The following HUNK variants were observed in gnomAD, a reference collection of about 807,000 sequenced individuals.
HUNK encodes the protein hormonally up-regulated neu tumor-associated kinase.
HUNK carries 21 observed loss-of-function variants against 61.0 expected under a neutral mutation model. That is an observed-to-expected ratio of 0.34 (90% CI 0.24 to 0.50). HUNK has a LOEUF of 0.50. Ranked by LOEUF, HUNK falls within the 20% of genes least tolerant of loss-of-function variation. HUNK has a pLI of 0.98. For missense variants in HUNK, 772 were observed against 945.7 expected (o/e 0.82, Z 2.41); for synonymous variants, 371 against 386.1 (o/e 0.96, Z 0.46).
chr21:31,914,419 A>AAC (rs2052567998), intron 1 of HUNK, among the ~76,000 whole-genome samples: 1 of 147,154 alleles, frequency 6.8e-6, no homozygotes, highest in Non-Finnish European at 1.5e-5. Flanking sequence ...AAAAAAAAAA[A>AAC]AAAAAAAAAA....
intron 4 of HUNK, among the ~76,000 whole-genome samples, chr21:31,947,085 C>T (rs1351035425): frequency 6.7e-6 from 1 of 150,260 alleles, no homozygotes; most frequent in Non-Finnish European, 1.5e-5. Context: ...CTGCGCATTC[C>T]CATATCCCAG....
intron 8 of HUNK, 73 bp from the exon 9 acceptor site, chr21:31,990,056 C>A: frequency 1.5e-6 from 2 of 1,324,154 alleles, no homozygotes; most frequent in South Asian, 2.4e-5. Flanking sequence ...GCTGCAGGGC[C>A]GTAGGGGAAG....
intron 1 of HUNK, among the ~76,000 whole-genome samples, chr21:31,908,083 A>C (rs2052519656): frequency 6.6e-6 from 1 of 152,166 alleles, no homozygotes; most frequent in South Asian, 2.1e-4. Flanking sequence ...AAACTTAAGG[A>C]GTATGTGTCT....
chr21:31,929,297 C>T (rs1045522288), intron 2 of HUNK, among the ~76,000 whole-genome samples: 5 of 151,380 alleles, frequency 3.3e-5, no homozygotes, highest in Non-Finnish European at 5.9e-5. Flanking sequence ...AGCAGATTCA[C>T]TTTGCTGGCA....
chr21:31,980,493 C>T (rs1409923125), intron 7 of HUNK, among the ~76,000 whole-genome samples: 1 of 150,152 alleles, frequency 6.7e-6, no homozygotes, highest in Admixed American at 6.6e-5. Flanking sequence ...TCTCCTGCCT[C>T]AGCCTCCTGA....
At chr21:31,984,240 T>C (rs2053117847) in intron 8 of HUNK, among the ~76,000 whole-genome samples, 1 of 152,158 alleles carries the variant, frequency 6.6e-6, no homozygotes, top group Non-Finnish European at 1.5e-5. Context: ...ATTTTGAATG[T>C]TCCCAATAAA....
At chr21:31,876,987 A>G (rs570382274) in intron 1 of HUNK, among the ~76,000 whole-genome samples, 13 of 152,166 alleles carry the variant, frequency 8.5e-5, no homozygotes, top group African/African-American at 2.9e-4. Flanking sequence ...TAGGAGGGGA[A>G]TGAAGTCATT....
intron 6 of HUNK, among the ~76,000 whole-genome samples, chr21:31,970,986 G>A (rs950220719): frequency 2.6e-5 from 4 of 152,164 alleles, no homozygotes; most frequent in African/African-American, 9.7e-5. Flanking sequence ...TCTTCTGTGT[G>A]TATAAGGCCC....
chr21:31,912,656 G>A (rs997964473), intron 1 of HUNK, among the ~76,000 whole-genome samples: 8 of 152,022 alleles, frequency 5.3e-5, no homozygotes, highest in Non-Finnish European at 8.8e-5. Flanking sequence ...CTTTTCCCAC[G>A]TCAGCCTCTC....
At chr21:31,916,254 G>C (rs2123810396) in intron 1 of HUNK, among the ~76,000 whole-genome samples, 1 of 151,856 alleles carries the variant, frequency 6.6e-6, no homozygotes, top group Middle Eastern at 3.4e-3. Flanking sequence ...GTTTCACCAT[G>C]TTAGCCAGGA....
chr21:31,987,295 C>A (rs1312252047), intron 8 of HUNK, among the ~76,000 whole-genome samples: 1 of 152,210 alleles, frequency 6.6e-6, no homozygotes, highest in East Asian at 1.9e-4. Flanking sequence ...GTGGTCACCC[C>A]AGCCAGAGTC....
At chr21:31,915,852 T>C (rs144844740) in intron 1 of HUNK, among the ~76,000 whole-genome samples, 10 of 151,724 alleles carry the variant, frequency 6.6e-5, no homozygotes, top group Non-Finnish European at 1.5e-4. Context: ...TGAGATAGAG[T>C]TCAGCCTTCT....
intron 6 of HUNK, among the ~76,000 whole-genome samples, chr21:31,972,851 G>A (rs1394923597): frequency 6.6e-6 from 1 of 152,002 alleles, no homozygotes; most frequent in Non-Finnish European, 1.5e-5. Flanking sequence ...AGTAGTGGAG[G>A]GAGAACTGAT....
intron 1 of HUNK, among the ~76,000 whole-genome samples, chr21:31,913,348 G>A (rs993723765): frequency 2.6e-5 from 4 of 152,060 alleles, no homozygotes; most frequent in African/African-American, 9.7e-5. Context: ...AGGAGGCAGA[G>A]AGATTAGCAG....
chr21:31,941,815 T>C (rs1028081536), intron 3 of HUNK, among the ~76,000 whole-genome samples: 1 of 152,186 alleles, frequency 6.6e-6, no homozygotes, highest in African/African-American at 2.4e-5. Context: ...AGGTTCCCTG[T>C]AACTGTTCTT....
In HUNK at chr21:31,906,672, C is replaced by T. The variant is rs547085810; in HGVS notation, c.262-17796C>T. Among the ~76,000 whole-genome samples, 413 of 152,142 alleles carry T rather than the reference C, an allele frequency of 2.7e-3. 3 individuals carry two copies. Among genetic ancestry groups the T allele is most frequent in the Non-Finnish European group, 1.5e-3 (99 of 68,010 alleles). ...CTTGAACTCCTGGGCTCAAGCGATCCGCCTACCTCAGCCTCCTAAAGTGCT... is the reference window on the plus strand; with the variant it reads ...CTTGAACTCCTGGGCTCAAGCGATCTGCCTACCTCAGCCTCCTAAAGTGCT... On this transcript the variant is annotated intron_variant, in intron 1 of 10. Transcript: ENST00000270112.
chr21:31,997,352 C>T (rs1160966113), intron 10 of HUNK, among the ~76,000 whole-genome samples: 1 of 152,182 alleles, frequency 6.6e-6, no homozygotes, highest in Non-Finnish European at 1.5e-5. Context: ...ATATTCTTCC[C>T]CCGTTCAGAA....
At chr21:31,914,209 A>T (rs28597988) in intron 1 of HUNK, among the ~76,000 whole-genome samples, 8,688 of 152,004 alleles carry the variant, frequency 0.057, 297 homozygotes, top group South Asian at 0.067. Context: ...GGAGTTCAAG[A>T]CCAGCCTGAC....
intron 1 of HUNK, among the ~76,000 whole-genome samples, chr21:31,905,018 C>T (rs1325033416): frequency 6.6e-6 from 1 of 151,228 alleles, no homozygotes; most frequent in Admixed American, 6.6e-5. Context: ...GCAGAGGTTG[C>T]AGTGAGCCAA....
Sources: allele counts gnomAD v4.1 joint callset (sites outside exome capture counted in the v4.1 genomes callset), GRCh38; gene constraint gnomAD v4.1.1; transcripts MANE v1.5; gene names NCBI Gene and HGNC (gene_info 2026-07-23, HGNC 2026-07-21).